Variants in FILIP1L observed in about 807,000 individuals in gnomAD.
The protein encoded by FILIP1L is filamin A interacting protein 1 like.
A neutral mutation model predicts 96.6 loss-of-function variants in FILIP1L; 55 were observed. The observed-to-expected ratio is 0.57, with a 90% CI of 0.46 to 0.71. The LOEUF (loss-of-function observed/expected upper bound fraction) is 0.71, where lower values mean the gene tolerates loss of function less well. FILIP1L is among the 30% of genes least tolerant of loss of function. FILIP1L has a pLI of 0.00. For missense variants in FILIP1L, 1,304 were observed against 1,321.2 expected (o/e 0.99, Z 0.20); for synonymous variants, 467 against 473.9 (o/e 0.99, Z 0.19).
chr3:100,031,753 C>T (rs773671956), intron 1 of FILIP1L, among the ~76,000 whole-genome samples: 1 of 152,120 alleles, frequency 6.6e-6, no homozygotes, highest in African/African-American at 2.4e-5. Flanking sequence ...CGTTTATTTG[C>T]CTCACTTTCT....
Position 99,972,216 on chromosome 3 carries a change from T to C in FILIP1L, c.-10-41186A>G, listed in dbSNP as rs1708843521. Among the ~76,000 whole-genome samples, 4 of 152,230 alleles carry C rather than the reference T, an allele frequency of 2.6e-5. No individual in the cohort carries two copies. The South Asian group carries it at 8.3e-4, about 32-fold the overall frequency. On this transcript the variant is annotated intron_variant, in intron 1 of 5. Coordinates refer to ENST00000477258, the MANE Select transcript of FILIP1L (RefSeq NM_001387850.1). The stretch of plus-strand genomic sequence containing the variant: ...GGGCTTAATAAATTTGATAAGGGAA[T>C]AGGAAGAAAGCTAGTCATCTCTTTC...
At chr3:99,970,294 A>G (rs1708775264) in intron 1 of FILIP1L, among the ~76,000 whole-genome samples, 1 of 152,222 alleles carries the variant, frequency 6.6e-6, no homozygotes, top group Admixed American at 6.5e-5. Flanking sequence ...AGAGGCTGCA[A>G]TCACTCTGAA....
intron 1 of FILIP1L, among the ~76,000 whole-genome samples, chr3:99,989,422 T>C (rs564508671): frequency 6.6e-6 from 1 of 152,288 alleles, no homozygotes; most frequent in South Asian, 2.1e-4. Context: ...ATAACCCAAT[T>C]ACTGTGTCCC....
chr3:100,050,861 A>G (rs1040972843), intron 1 of FILIP1L, among the ~76,000 whole-genome samples: 1 of 152,118 alleles, frequency 6.6e-6, no homozygotes, highest in Non-Finnish European at 1.5e-5. Flanking sequence ...AGCGGCTTTA[A>G]CTTTGGAAGA....
chr3:100,062,348 C>A (rs1298919375), intron 1 of FILIP1L, among the ~76,000 whole-genome samples: 1 of 151,734 alleles, frequency 6.6e-6, no homozygotes, highest in Non-Finnish European at 1.5e-5. Context: ...CCTGACCTCG[C>A]GATCCACCCG....
Position 99,848,517 on chromosome 3 carries a change from A to G in FILIP1L, c.3159T>C (p.Ser1053=). The change falls in exon 5 of 6, where the codon AGT becomes AGC. Residue 1053 remains serine (S), a synonymous_variant. Transcript: ENST00000477258. ...QFQRSNSNSS[S]VITTEDNKIH... is the part of the protein sequence containing the mutation. ...TTTTATTATCCTCAGTAGTTATCAC[A>G]CTTGAGCTATTGCTGTTTGAACGCT... 1 of 1,614,192 alleles carries G rather than the reference A, an allele frequency of 6.2e-7. No homozygotes were observed. The highest frequency in any genetic ancestry group is 8.5e-7 in the Non-Finnish European group (1 of 1,180,028).
intron 4 of FILIP1L, among the ~76,000 whole-genome samples, chr3:99,913,295 A>G (rs754642986): frequency 4.6e-5 from 7 of 152,200 alleles, no homozygotes; most frequent in South Asian, 2.1e-4. Flanking sequence ...CTATTTTCCA[A>G]TGCACCATTT....
At chr3:100,095,329 C>T (rs1302272908) in intron 1 of FILIP1L, among the ~76,000 whole-genome samples, 1 of 152,114 alleles carries the variant, frequency 6.6e-6, no homozygotes, top group Non-Finnish European at 1.5e-5. Flanking sequence ...GATAAATCGA[C>T]GTGTTTGCTA....
intron 4 of FILIP1L, among the ~76,000 whole-genome samples, chr3:99,905,856 C>T (rs984440166): frequency 6.6e-6 from 1 of 152,212 alleles, no homozygotes; most frequent in Admixed American, 6.5e-5. Context: ...TGTATGCAAA[C>T]TCTAGTTGCT....
chr3:99,833,859 C>T (rs745718220), intron 5 of FILIP1L, among the ~76,000 whole-genome samples: 4 of 152,200 alleles, frequency 2.6e-5, no homozygotes, highest in Admixed American at 6.5e-5. Flanking sequence ...AATGCTTGGC[C>T]AAGGCCATGT....
chr3:100,049,574 T>C (rs1452299793), intron 1 of FILIP1L, among the ~76,000 whole-genome samples: 1 of 152,180 alleles, frequency 6.6e-6, no homozygotes, highest in African/African-American at 2.4e-5. Context: ...AAGCCAGAGA[T>C]AATAGTGAGA....
At chr3:99,842,286 G>A (rs906641751) in intron 5 of FILIP1L, among the ~76,000 whole-genome samples, 24 of 152,162 alleles carry the variant, frequency 1.6e-4, no homozygotes, top group African/African-American at 5.8e-4. Flanking sequence ...TAAGCTATGA[G>A]GACACAGAGG....
intron 1 of FILIP1L, among the ~76,000 whole-genome samples, chr3:100,096,345 G>A (rs1039241684): frequency 7.2e-5 from 11 of 152,166 alleles, no homozygotes; most frequent in South Asian, 2.1e-4. Context: ...CAATAGCCAA[G>A]ATTTGGAAGC....
At position 100,000,266 on chromosome 3, in the gene FILIP1L, G is replaced by A. The variant is rs114141441; in HGVS notation, c.-10-69236C>T. On this transcript the variant is annotated intron_variant, in intron 1 of 5. Coordinates refer to ENST00000477258, the MANE Select transcript of FILIP1L (RefSeq NM_001387850.1). ...TGACCTTGCTTTTTGTAGGAAAAAA[G>A]TCATCCAAAGGGGCCTCCTCTATCA... Among the ~76,000 whole-genome samples, 937 of 152,244 alleles carry A rather than the reference G, an allele frequency of 6.2e-3. 6 individuals carry two copies. Among genetic ancestry groups the A allele is most frequent in the African/African-American group, 0.018 (742 of 41,550 alleles).
chr3:99,995,454 C>T (rs1709650666), intron 1 of FILIP1L, among the ~76,000 whole-genome samples: 1 of 152,172 alleles, frequency 6.6e-6, no homozygotes, highest in Non-Finnish European at 1.5e-5. Context: ...TGCTGCTTTT[C>T]CAGGAGCATG....
At chr3:100,029,034 AT>A (rs1050766422) in intron 1 of FILIP1L, among the ~76,000 whole-genome samples, 1 of 152,060 alleles carries the variant, frequency 6.6e-6, no homozygotes, top group Non-Finnish European at 1.5e-5. Context: ...TTTAAAAAAA[AT>A]TTTTTTGAGC....
chr3:99,884,753 AGTTC>A (rs1705838725), intron 4 of FILIP1L, among the ~76,000 whole-genome samples: 1 of 152,214 alleles, frequency 6.6e-6, no homozygotes, highest in Non-Finnish European at 1.5e-5. Flanking sequence ...GTTAGCTTTC[AGTTC>A]ATTTTTGTAC....
chr3:99,834,933 T>G (rs1265229626), intron 5 of FILIP1L, among the ~76,000 whole-genome samples: 1 of 152,138 alleles, frequency 6.6e-6, no homozygotes. Context: ...CTTTGGGGAG[T>G]AGAGATATTG....
intron 1 of FILIP1L, among the ~76,000 whole-genome samples, chr3:100,066,566 C>G (rs1389723105): frequency 1.5e-5 from 1 of 65,966 alleles, no homozygotes; most frequent in East Asian, 4.7e-4. Context: ...GAGTCTCGCT[C>G]TGTCGCCCAG....
Sources: gnomAD v4.1 joint callset for allele counts (sites outside exome capture counted in the v4.1 genomes callset) on GRCh38, gnomAD v4.1.1 for gene constraint, MANE v1.5 for transcripts, NCBI Gene and HGNC (gene_info 2026-07-23, HGNC 2026-07-21) for gene names.